Variants in APBA1 observed in about 807,000 individuals in gnomAD.
The protein encoded by APBA1 is amyloid-beta A4 precursor protein-binding family A member 1.
APBA1 carries 55 observed loss-of-function variants against 86.6 expected under a neutral mutation model. The ratio of observed to expected loss-of-function variants is 0.64; its 90% CI spans 0.51 to 0.80. The LOEUF is 0.80. APBA1 is among the 30% of genes least tolerant of loss of function. The pLI is 0.00. For synonymous variants in APBA1, 511 were observed against 493.9 expected (o/e 1.03, Z -0.46); for missense variants, 1,090 against 1,183.0 (o/e 0.92, Z 1.15).
chr9:69,434,557 A>G (rs1834664755), intron 11 of APBA1, among the ~76,000 whole-genome samples: 1 of 152,044 alleles, frequency 6.6e-6, no homozygotes, highest in Admixed American at 6.6e-5. Flanking sequence ...AAATACAAAA[A>G]TTAGCCGGGC....
At chr9:69,475,564 A>G (rs2781541) in intron 3 of APBA1, among the ~76,000 whole-genome samples, 81,388 of 152,082 alleles carry the variant, frequency 0.54, 22,880 homozygotes, top group African/African-American at 0.7. Flanking sequence ...ATGTATGGCC[A>G]CTCTATTCTT....
At chr9:69,503,513 G>A (rs1362491585) in intron 2 of APBA1, among the ~76,000 whole-genome samples, 1 of 151,908 alleles carries the variant, frequency 6.6e-6, no homozygotes, top group Non-Finnish European at 1.5e-5. Flanking sequence ...ACAATTTCTG[G>A]TTAATCAATA....
chr9:69,436,049 T>C (rs531841413), intron 11 of APBA1, among the ~76,000 whole-genome samples: 3 of 151,378 alleles, frequency 2.0e-5, no homozygotes, highest in South Asian at 4.2e-4. Flanking sequence ...CTTTCCCCCA[T>C]TGCTTGTTTT....
chr9:69,449,839 T>G, intron 9 of APBA1, 43 bp from the exon 10 acceptor site: 1 of 1,556,754 alleles, frequency 6.4e-7, no homozygotes, highest in Non-Finnish European at 8.8e-7. Context: ...TCAGTGACCA[T>G]CTGGGGTAGG....
chr9:69,605,219 CT>C (rs763258340), intron 1 of APBA1, among the ~76,000 whole-genome samples: 51 of 152,068 alleles, frequency 3.4e-4, no homozygotes, highest in Admixed American at 1.0e-3. Context: ...GAATTTTTCT[CT>C]GGAACAATGT....
chr9:69,516,268 C>T lies in APBA1; in HGVS notation c.943G>A (p.Gly315Arg), dbSNP rs748933345. ...TGCTGCCCCGCCGGCGCCTGCAGCC[C>T]GGGGCTGTCGGGGCGACCCCCGGCC... is the stretch of plus-strand genomic sequence containing the variant. ...TPAGGRPDSPGLQAPAGQQRA... is the reference protein window; with the variant it reads ...TPAGGRPDSPRLQAPAGQQRA... Residue 315 changes from glycine (G) to arginine (R), a missense_variant, in exon 2 of 13, where the codon GGG (glycine) becomes AGG (arginine). Gly to Arg is a moderately radical substitution (Grantham distance 125). Transcript: ENST00000265381. The surrounding 1 kb of genome is among the most constrained non-coding windows in gnomAD (Gnocchi z 7.3). 4 of 1,436,482 alleles carry T rather than the reference C, an allele frequency of 2.8e-6. No individual in the cohort carries two copies. The highest frequency in any genetic ancestry group is 2.8e-5 in the East Asian group (1 of 35,306). The allele number at this position is 1,436,482 out of a possible 1,614,324, so 89.0% of individuals were successfully genotyped here. A position where few individuals can be genotyped will look rare whatever the true frequency, so the allele number is the denominator to read the frequency against.
At chr9:69,657,117 T>C (rs1823628477) in intron 1 of APBA1, among the ~76,000 whole-genome samples, 1 of 151,504 alleles carries the variant, frequency 6.6e-6, no homozygotes, top group Non-Finnish European at 1.5e-5. Context: ...GGTGCTGGGA[T>C]TACAGGCGTG....
rs777082193 is a variant in APBA1 at position 69,431,173 on chromosome 9, A to C, written c.*154T>G. ...AAAAAAAAAAAAAAGCAAATCGGAG[A>C]GAGTAAAGAGGTCCTTGTGGATTCT... On this transcript the variant is annotated 3_prime_UTR_variant, in exon 13 of 13. Transcript: ENST00000265381. 2.2e-6 allele frequency: 1 copy of C among 462,174 alleles called. No homozygotes were observed. The highest frequency in any genetic ancestry group is 3.9e-6 in the Non-Finnish European group (1 of 258,682). The allele number at this position is 462,174 out of a possible 1,614,324, so 28.6% of individuals were successfully genotyped here. A position where few individuals can be genotyped will look rare whatever the true frequency, so the allele number is the denominator to read the frequency against.
At chr9:69,563,505 C>T (rs1836978697) in intron 1 of APBA1, among the ~76,000 whole-genome samples, 1 of 152,108 alleles carries the variant, frequency 6.6e-6, no homozygotes, top group African/African-American at 2.4e-5. Flanking sequence ...TAAAAGATGC[C>T]TATGGGTTAA....
intron 1 of APBA1, among the ~76,000 whole-genome samples, chr9:69,545,160 C>G (rs570025011): frequency 6.6e-6 from 1 of 152,268 alleles, no homozygotes; most frequent in East Asian, 1.9e-4. Flanking sequence ...AATGGAGGAA[C>G]AAAACTACCT....
chr9:69,527,360 A>AT (rs1836360595), intron 1 of APBA1, among the ~76,000 whole-genome samples: 1 of 152,126 alleles, frequency 6.6e-6, no homozygotes, highest in South Asian at 2.1e-4. Flanking sequence ...CTTTTGATCT[A>AT]TTTTGAAATG....
chr9:69,596,466 G>T, intron 1 of APBA1, among the ~76,000 whole-genome samples: 1 of 152,144 alleles, frequency 6.6e-6, no homozygotes, highest in Admixed American at 6.6e-5. Context: ...CAAGATATAT[G>T]TTTGTTTCTC....
intron 1 of APBA1, among the ~76,000 whole-genome samples, chr9:69,559,878 C>T (rs1429993609): frequency 6.6e-6 from 1 of 152,140 alleles, no homozygotes. Context: ...AGTCAATGTG[C>T]TTCATCAATC....
intron 1 of APBA1, among the ~76,000 whole-genome samples, chr9:69,518,125 G>A (rs1205103465): frequency 1.3e-5 from 2 of 151,676 alleles, no homozygotes; most frequent in African/African-American, 4.8e-5. Context: ...ACAATATTAG[G>A]GGAAAATATC....
chr9:69,647,720 A>G (rs1352429221), intron 1 of APBA1, among the ~76,000 whole-genome samples: 1 of 152,378 alleles, frequency 6.6e-6, no homozygotes, highest in East Asian at 1.9e-4. Flanking sequence ...AATGTATGCT[A>G]TAGAAATATA....
intron 2 of APBA1, among the ~76,000 whole-genome samples, chr9:69,504,557 G>T (rs1017175535): frequency 6.6e-6 from 1 of 152,036 alleles, no homozygotes; most frequent in Non-Finnish European, 1.5e-5. Flanking sequence ...GGGGTGATCA[G>T]GTGGAAAGCC....
chr9:69,539,531 T>TA (rs2133916129), intron 1 of APBA1, among the ~76,000 whole-genome samples: 1 of 152,336 alleles, frequency 6.6e-6, no homozygotes, highest in African/African-American at 2.4e-5. Context: ...CATCTTTTCT[T>TA]ACCTGGACCA....
rs1836168024 is a variant in APBA1, at chr9:69,516,894, G to A, written c.317C>T (p.Ala106Val). Reference protein sequence around the residue: ...VIAAARDGYDAERAQDPEDES... With the variant: ...VIAAARDGYDVERAQDPEDES... Reference sequence around the variant, plus strand: ...GTCCTCGGGGTCCTGCGCGCGCTCCGCATCGTAGCCGTCGCGGGCCGCGGC... The same window carrying A: ...GTCCTCGGGGTCCTGCGCGCGCTCCACATCGTAGCCGTCGCGGGCCGCGGC... The change falls in exon 2 of 13, where the codon GCG becomes GTG. Residue 106 changes from alanine (A) to valine (V), a missense_variant. This residue lies in a region of APBA1 where 678 missense variants were observed against 647.1 expected (regional missense o/e 1.05). Transcript: ENST00000265381. This position sits in a 1 kb window ranked among gnomAD's most constrained non-coding sequence, Gnocchi z 7.3. 5 of 1,594,124 alleles carry A rather than the reference G, an allele frequency of 3.1e-6. No individual in the cohort carries two copies. Among genetic ancestry groups the A allele is most frequent in the Non-Finnish European group, 4.2e-6 (5 of 1,176,698 alleles).
intron 1 of APBA1, among the ~76,000 whole-genome samples, chr9:69,627,071 C>A (rs1822948300): frequency 6.6e-6 from 1 of 152,112 alleles, no homozygotes; most frequent in South Asian, 2.1e-4. Flanking sequence ...GAAACTAATG[C>A]ACTCTGTGGG....
Sources: allele counts gnomAD v4.1 joint callset (sites outside exome capture counted in the v4.1 genomes callset), GRCh38; gene constraint gnomAD v4.1.1; regional missense constraint gnomAD v4.1.1; non-coding constraint Gnocchi (gnomAD v3.1); transcripts MANE v1.5; gene names NCBI Gene and HGNC (gene_info 2026-07-23, HGNC 2026-07-21).